The following TMEM178B variants were observed in gnomAD, a reference collection of about 807,000 sequenced individuals.
The protein encoded by TMEM178B is transmembrane protein 178B.
In TMEM178B, 5 loss-of-function variants were observed where a neutral mutation model predicts 31.0. The observed-to-expected ratio is 0.16, with a 90% CI of 0.08 to 0.34. The LOEUF is 0.34. Among genes scored for constraint, TMEM178B ranks in the 10% least tolerant of loss-of-function variants. The pLI is 1.00. For missense variants in TMEM178B, 275 were observed against 400.3 expected, an observed-to-expected ratio of 0.69 and a Z score of 2.67; for synonymous variants, 164 against 164.0, an observed-to-expected ratio of 1.00 and a Z score of 0.00.
At chr7:141,484,664 C>T (rs554552727), downstream of TMEM178B, among the ~76,000 whole-genome samples, 16 of 152,232 alleles carry the variant, frequency 1.1e-4, no homozygotes, top group East Asian at 2.9e-3. This position sits in a 1 kb window ranked among gnomAD's most constrained non-coding sequence, Gnocchi z 4.8. Flanking sequence ...AGGGTTCAAG[C>T]GATTCTCCTG....
intron 2 of TMEM178B, among the ~76,000 whole-genome samples, chr7:141,305,442 T>C (rs1455975413): frequency 1.3e-5 from 2 of 152,110 alleles, no homozygotes; most frequent in Non-Finnish European, 2.9e-5. Context: ...TTTTCTTTTT[T>C]TTTGAGATGG....
chr7:141,167,348 A>G (rs965585780), intron 1 of TMEM178B, among the ~76,000 whole-genome samples: 3 of 152,220 alleles, frequency 2.0e-5, no homozygotes, highest in African/African-American at 4.8e-5. Context: ...AGCAGATCCA[A>G]TATAGGACAC....
In TMEM178B at chr7:141,189,931, G is replaced by A. The variant is rs1286683332; in HGVS notation, c.383-22660G>A. Among the ~76,000 whole-genome samples the A allele has an allele frequency of 2.0e-5, 3 of 152,094 alleles. 1 individual carries two copies. Among genetic ancestry groups the A allele is most frequent in the African/African-American group, 7.2e-5 (3 of 41,418 alleles). On this transcript the variant is annotated intron_variant, in intron 1 of 3. Transcript: ENST00000565468. ...AGTCTGAGGTTCAGAGAGGGGAATT[G>A]GCCATCCCCACATCATCCTGGGCAG... is the stretch of plus-strand genomic sequence containing the variant.
chr7:141,258,578 CAGCCCA>C (rs1178231170), intron 2 of TMEM178B, among the ~76,000 whole-genome samples: 323 of 152,344 alleles, frequency 2.1e-3, no homozygotes, highest in African/African-American at 7.3e-3. Context: ...ATTCACGTTA[CAGCCCA>C]ATGTCATTTC....
At chr7:141,434,750 A>G (rs531389639) in intron 2 of TMEM178B, among the ~76,000 whole-genome samples, 31 of 152,302 alleles carry the variant, frequency 2.0e-4, no homozygotes, top group South Asian at 1.2e-3. Context: ...GTTTGTGCCC[A>G]TTAACCAATC....
At chr7:141,293,213 C>A (rs1406783294) in intron 2 of TMEM178B, among the ~76,000 whole-genome samples, 2 of 152,156 alleles carry the variant, frequency 1.3e-5, no homozygotes. Context: ...TTTAGTCTAT[C>A]ATACTGGGGA....
downstream of TMEM178B, among the ~76,000 whole-genome samples, chr7:141,482,940 A>T (rs932731280): frequency 4.0e-5 from 6 of 151,704 alleles, no homozygotes; most frequent in African/African-American, 1.5e-4. Context: ...GGGTGGTGTT[A>T]GTCACCTAGG....
At chr7:141,173,933 A>C (rs1001803579) in intron 1 of TMEM178B, among the ~76,000 whole-genome samples, 2 of 152,200 alleles carry the variant, frequency 1.3e-5, no homozygotes, top group African/African-American at 4.8e-5. Context: ...CTACCTTTCT[A>C]ATCAGTCAAG....
At chr7:141,259,361 T>C (rs908176897) in intron 2 of TMEM178B, among the ~76,000 whole-genome samples, 1 of 152,234 alleles carries the variant, frequency 6.6e-6, no homozygotes, top group African/African-American at 2.4e-5. Context: ...TCATTAAATA[T>C]GGTTTCCTTT....
At chr7:141,402,571 A>G (rs991184724) in intron 2 of TMEM178B, among the ~76,000 whole-genome samples, 1 of 152,232 alleles carries the variant, frequency 6.6e-6, no homozygotes, top group Admixed American at 6.5e-5. Context: ...CCAGGCAAAG[A>G]CACAGCTGAG....
intron 2 of TMEM178B, among the ~76,000 whole-genome samples, chr7:141,316,321 G>T (rs1238359303): frequency 6.6e-6 from 1 of 152,120 alleles, no homozygotes; most frequent in Non-Finnish European, 1.5e-5. Context: ...TATAAATGCT[G>T]GTTATAAAAG....
chr7:141,210,482 A>T (rs1026090917), intron 1 of TMEM178B, among the ~76,000 whole-genome samples: 5 of 152,128 alleles, frequency 3.3e-5, no homozygotes, highest in African/African-American at 9.7e-5. Context: ...AATAAAAATT[A>T]AAAAAATAGG....
chr7:141,214,227 A>G (rs1797095928), intron 2 of TMEM178B, among the ~76,000 whole-genome samples: 1 of 152,198 alleles, frequency 6.6e-6, no homozygotes, highest in South Asian at 2.1e-4. Flanking sequence ...TGGATTAACC[A>G]TTGAAATCTA....
Position 141,478,643 on chromosome 7 carries a change from A to C in TMEM178B, c.*7857A>C, listed in dbSNP as rs1478862751. On this transcript the variant is annotated 3_prime_UTR_variant, in exon 4 of 4. Transcript: ENST00000565468. ...AACATGTCAAAAATAGTATCACTTC[A>C]GCATGGAATCAATATAAAAATTACT... 6.6e-6 allele frequency: 1 copy of C among 152,260 alleles called. No homozygotes were observed. Among genetic ancestry groups the C allele is most frequent in the African/African-American group, 2.4e-5 (1 of 41,474 alleles). The allele number at this position is 152,260 out of a possible 1,614,324, so 9.4% of individuals were successfully genotyped here. A position where few individuals can be genotyped will look rare whatever the true frequency, so the allele number is the denominator to read the frequency against.
chr7:141,362,390 C>T (rs996552853), intron 2 of TMEM178B, among the ~76,000 whole-genome samples: 1 of 152,166 alleles, frequency 6.6e-6, no homozygotes, highest in South Asian at 2.1e-4. Flanking sequence ...AGACAAGTTG[C>T]CTGCAGCCTG....
the TMEM178B span, among the ~76,000 whole-genome samples, chr7:141,503,084 G>C: frequency 2.6e-5 from 4 of 152,120 alleles, no homozygotes; most frequent in Admixed American, 2.6e-4. Context: ...CCTCTATCTG[G>C]CAGTTAGCAG....
intron 1 of TMEM178B, among the ~76,000 whole-genome samples, chr7:141,116,272 A>C (rs1420924516): frequency 6.6e-6 from 1 of 152,234 alleles, no homozygotes; most frequent in Non-Finnish European, 1.5e-5. Flanking sequence ...AGGTGGGTGC[A>C]GACACAGAAT....
chr7:141,399,735 A>G (rs1800726445), intron 2 of TMEM178B, among the ~76,000 whole-genome samples: 2 of 152,144 alleles, frequency 1.3e-5, no homozygotes, highest in Admixed American at 1.3e-4. Flanking sequence ...CATTAAAGGG[A>G]GTATCAGATG....
chr7:141,093,354 A>C (rs555166948), intron 1 of TMEM178B, among the ~76,000 whole-genome samples: 2 of 152,372 alleles, frequency 1.3e-5, no homozygotes, highest in Admixed American at 1.3e-4. Flanking sequence ...CTGGCAGAGC[A>C]GAGCTGCCAT....
Sources: gnomAD v4.1 joint callset for allele counts (sites outside exome capture counted in the v4.1 genomes callset) on GRCh38, gnomAD v4.1.1 for gene constraint, Gnocchi (gnomAD v3.1) non-coding constraint, MANE v1.5 for transcripts, NCBI Gene and HGNC (gene_info 2026-07-23, HGNC 2026-07-21) for gene names.